NFKB1: variants seen among roughly 807,000 people sequenced by gnomAD.
NFKB1 encodes the protein nuclear factor kappa B subunit 1, also known as nuclear factor NF-kappa-B p105 subunit.
A neutral mutation model predicts 105.1 loss-of-function variants in NFKB1; 9 were observed. The ratio of observed to expected loss-of-function variants is 0.09; its 90% CI spans 0.05 to 0.15. NFKB1 has a LOEUF of 0.15. NFKB1 is among the 10% of genes least tolerant of loss of function. NFKB1 has a pLI of 1.00. For missense variants in NFKB1, 830 were observed against 1,203.7 expected (o/e 0.69, Z 4.59); for synonymous variants, 440 against 442.2 (o/e 1.00, Z 0.06).
At chr4:102,527,649 G>A (rs556851429) in intron 2 of NFKB1, among the ~76,000 whole-genome samples, 22 of 151,988 alleles carry the variant, frequency 1.4e-4, no homozygotes, top group South Asian at 4.2e-4. Context: ...TTTTAAAATG[G>A]TGATTTAGGA....
At chr4:102,592,460 C>T (rs950210368) in intron 11 of NFKB1, among the ~76,000 whole-genome samples, 1 of 152,192 alleles carries the variant, frequency 6.6e-6, no homozygotes, top group Non-Finnish European at 1.5e-5. Context: ...CAGCAGCCAT[C>T]AACATTGAGG....
intron 1 of NFKB1, among the ~76,000 whole-genome samples, chr4:102,512,612 T>C (rs1202807329): frequency 6.6e-6 from 1 of 152,230 alleles, no homozygotes; most frequent in Non-Finnish European, 1.5e-5. Flanking sequence ...CCCAAAGTGC[T>C]GGGATTATAG....
At chr4:102,541,462 G>T (rs1378317110) in intron 5 of NFKB1, among the ~76,000 whole-genome samples, 4 of 152,192 alleles carry the variant, frequency 2.6e-5, no homozygotes, top group African/African-American at 9.6e-5. Flanking sequence ...ATACTAAGGA[G>T]AAAGATAGAA....
intron 11 of NFKB1, among the ~76,000 whole-genome samples, chr4:102,588,031 A>G (rs1345300304): frequency 1.3e-5 from 2 of 152,040 alleles, no homozygotes; most frequent in African/African-American, 2.4e-5. Context: ...GTTCTTCATT[A>G]TTTTTATCAA....
chr4:102,518,403 T>TA (rs1406389079), intron 1 of NFKB1, among the ~76,000 whole-genome samples: 1 of 152,020 alleles, frequency 6.6e-6, no homozygotes, highest in Non-Finnish European at 1.5e-5. Context: ...ACTAATAGAG[T>TA]AAAAAAATGA....
chr4:102,600,695 G>T (rs1464622486), intron 15 of NFKB1, among the ~76,000 whole-genome samples, 200 bp from the exon 16 acceptor site: 1 of 152,210 alleles, frequency 6.6e-6, no homozygotes, highest in African/African-American at 2.4e-5. Context: ...GCAGCCTTGG[G>T]TAGGCAGTTG....
intron 1 of NFKB1, chr4:102,510,919 C>T (rs1174766139): frequency 3.9e-6 from 5 of 1,282,820 alleles, no homozygotes; most frequent in Non-Finnish European, 5.1e-6. Context: ...AAGACAGAAG[C>T]ATATCTTGGA....
chr4:102,563,819 C>CT (rs34134600), intron 5 of NFKB1, among the ~76,000 whole-genome samples: 72,748 of 124,606 alleles, frequency 0.58, 21,470 homozygotes, highest in Middle Eastern at 0.7. Flanking sequence ...AAGCTTAACT[C>CT]TTTTTTTTTT....
At chr4:102,580,975 C>G (rs1472808386) in intron 9 of NFKB1, among the ~76,000 whole-genome samples, 1 of 152,186 alleles carries the variant, frequency 6.6e-6, no homozygotes, top group African/African-American at 2.4e-5. Context: ...ATTCTTGACA[C>G]ACATACAAAC....
At chr4:102,573,324 T>C (rs1321914186) in intron 6 of NFKB1, among the ~76,000 whole-genome samples, 6 of 152,138 alleles carry the variant, frequency 3.9e-5, no homozygotes, top group Non-Finnish European at 7.4e-5. Flanking sequence ...AAAAGAATTA[T>C]AGGTTGACAG....
rs1465085480 is a variant in NFKB1, at chr4:102,613,509, T to A, written c.2677T>A (p.Ser893Thr). 1 of 1,613,880 alleles carries A rather than the reference T, an allele frequency of 6.2e-7. No individual in the cohort carries two copies. The highest frequency in any genetic ancestry group is 8.5e-7 in the Non-Finnish European group (1 of 1,180,000). Residue 893 changes from serine to threonine, a missense_variant, in exon 23 of 24, where the codon TCC (serine) becomes ACC (threonine). By Grantham distance (58) the Ser-to-Thr change is moderately conservative (BLOSUM62 1). This residue lies in a region of NFKB1 where 418 missense variants were observed against 575.3 expected (regional missense o/e 0.73). Transcript: ENST00000226574. ...AGCAATTGAAGTGATCCAGGCAGCCTCCAGCCCAGTGAAGACCACCTCTCA... is the reference window on the plus strand; with the variant it reads ...AGCAATTGAAGTGATCCAGGCAGCCACCAGCCCAGTGAAGACCACCTCTCA... Reference protein sequence around the residue: ...TEAIEVIQAASSPVKTTSQAH... With the variant: ...TEAIEVIQAATSPVKTTSQAH...
At chr4:102,602,559 G>A (rs1164849897) in intron 16 of NFKB1, among the ~76,000 whole-genome samples, 1 of 151,272 alleles carries the variant, frequency 6.6e-6, no homozygotes, top group Non-Finnish European at 1.5e-5. Context: ...AAAAAAGTGT[G>A]CTTTAAAGTG....
At chr4:102,611,355 A>AGAGACTCCG (rs3083182) in intron 20 of NFKB1, among the ~76,000 whole-genome samples, 1 of 151,690 alleles carries the variant, frequency 6.6e-6, no homozygotes. Context: ...TGACGTTAGC[A>AGAGACTCCG]TGGTTCTCCC....
At chr4:102,582,552 A>G (rs553792011) in intron 9 of NFKB1, among the ~76,000 whole-genome samples, 3 of 152,304 alleles carry the variant, frequency 2.0e-5, no homozygotes, top group Admixed American at 2.0e-4. Context: ...ATATTCTTCC[A>G]CCATCGTTCG....
intron 5 of NFKB1, among the ~76,000 whole-genome samples, chr4:102,562,419 C>A (rs1037824373): frequency 2.0e-5 from 3 of 152,188 alleles, no homozygotes; most frequent in Admixed American, 6.5e-5. Flanking sequence ...TGTGTCTGTT[C>A]TGCATTCACC....
At chr4:102,603,921 T>A (rs2149217345) in intron 16 of NFKB1, among the ~76,000 whole-genome samples, 1 of 152,354 alleles carries the variant, frequency 6.6e-6, no homozygotes, top group East Asian at 1.9e-4. Flanking sequence ...TCTCCTTTCA[T>A]TCTCCTTCCC....
At chr4:102,556,706 T>G (rs1391111370) in intron 5 of NFKB1, among the ~76,000 whole-genome samples, 4 of 152,176 alleles carry the variant, frequency 2.6e-5, no homozygotes, top group Admixed American at 2.0e-4. Context: ...ATTAGAGATT[T>G]TCTTATGTAC....
chr4:102,527,276 G>A (rs1007145683), intron 2 of NFKB1, among the ~76,000 whole-genome samples: 11 of 152,318 alleles, frequency 7.2e-5, no homozygotes, highest in African/African-American at 2.6e-4. Context: ...GCATCACTAG[G>A]TGCTACCTTG....
At chr4:102,610,389 A>G (rs941410386) in intron 19 of NFKB1, among the ~76,000 whole-genome samples, 186 bp from the exon 20 acceptor site, 1 of 152,252 alleles carries the variant, frequency 6.6e-6, no homozygotes, top group African/African-American at 2.4e-5. Context: ...TTAACAATCA[A>G]AGTAAATTAC....
Sources: gnomAD v4.1 joint callset for allele counts (sites outside exome capture counted in the v4.1 genomes callset) on GRCh38, gnomAD v4.1.1 for gene constraint, gnomAD v4.1.1 regional missense constraint, MANE v1.5 for transcripts, NCBI Gene and HGNC (gene_info 2026-07-23, HGNC 2026-07-21) for gene names.